SPPL2A: variants seen among roughly 807,000 people sequenced by gnomAD.
SPPL2A encodes the protein signal peptide peptidase-like 2A.
Under a neutral mutation model 63.8 loss-of-function variants are expected in SPPL2A, and 51 were observed. The ratio of observed to expected loss-of-function variants is 0.80; its 90% CI spans 0.64 to 1.01. The LOEUF is 1.01. Ranked by LOEUF, SPPL2A falls within the 50% of genes least tolerant of loss-of-function variation. The probability of loss-of-function intolerance (pLI) is 0.00; values close to 1 mark genes in which losing one functional copy is unlikely to be tolerated. For synonymous variants in SPPL2A, 188 were observed against 205.8 expected, an observed-to-expected ratio of 0.91 and a Z score of 0.74; for missense variants, 553 against 622.7, an observed-to-expected ratio of 0.89 and a Z score of 1.19.
Position 50,725,275 on chromosome 15 carries a change from T to A in SPPL2A, c.1195A>T (p.Ser399Cys), listed in dbSNP as rs1190086705. The A allele has an allele frequency of 6.2e-7, 1 of 1,609,532 alleles. No individual in the cohort carries two copies. Among genetic ancestry groups the A allele is most frequent in the Admixed American group, 1.7e-5 (1 of 59,576 alleles). Reference sequence around the variant, plus strand: ...ATTGAAACAGGCATGAGGCACACACTCATTACTGAGAAATAGATCAGTTTT... The same window carrying A: ...ATTGAAACAGGCATGAGGCACACACACATTACTGAGAAATAGATCAGTTTT... ...VPKLIYFSVM[S>C]VCLMPVSILG... Residue 399 changes from serine (S) to cysteine (C), a missense_variant, in exon 12 of 15, where the codon AGT becomes TGT. Coordinates refer to ENST00000261854, the MANE Select transcript of SPPL2A (RefSeq NM_032802.4).
chr15:50,760,556 G>C (rs1420087218), intron 1 of SPPL2A, among the ~76,000 whole-genome samples: 1 of 152,152 alleles, frequency 6.6e-6, no homozygotes, highest in Admixed American at 6.5e-5. Context: ...ACCACACCTG[G>C]CCTGATGTCT....
chr15:50,716,123 T>C (rs2062597154), intron 14 of SPPL2A, among the ~76,000 whole-genome samples: 1 of 152,194 alleles, frequency 6.6e-6, no homozygotes, highest in African/African-American at 2.4e-5. Flanking sequence ...AGTAGGATTA[T>C]GGGCGGACTT....
At chr15:50,730,029 G>A (rs1213678261) in intron 10 of SPPL2A, among the ~76,000 whole-genome samples, 1 of 147,784 alleles carries the variant, frequency 6.8e-6, no homozygotes, top group Non-Finnish European at 1.5e-5. Context: ...ATAAAGTAGA[G>A]AATATCAAAT....
chr15:50,734,332 T>C (rs187684048), intron 8 of SPPL2A, among the ~76,000 whole-genome samples: 15 of 152,144 alleles, frequency 9.9e-5, no homozygotes, highest in African/African-American at 3.4e-4. Context: ...TATTCAGCCA[T>C]AAAAAATAAT....
intron 14 of SPPL2A, among the ~76,000 whole-genome samples, chr15:50,710,198 C>T (rs548069842): frequency 6.6e-6 from 1 of 152,054 alleles, no homozygotes; most frequent in Non-Finnish European, 1.5e-5. Flanking sequence ...ATCTGCTTAC[C>T]CTGGCAACTG....
intron 2 of SPPL2A, 93 bp from the exon 3 acceptor site, chr15:50,748,963 G>T: frequency 8.7e-6 from 6 of 689,898 alleles, no homozygotes; most frequent in Non-Finnish European, 1.4e-5. Context: ...ATCAATATTG[G>T]TTTAAGACAA....
intron 1 of SPPL2A, among the ~76,000 whole-genome samples, chr15:50,759,934 T>C (rs79565005): frequency 2.6e-5 from 4 of 152,096 alleles, no homozygotes; most frequent in Admixed American, 1.3e-4. Flanking sequence ...GGGAAAGAGA[T>C]ATATAGCCAT....
intron 5 of SPPL2A, among the ~76,000 whole-genome samples, chr15:50,744,217 G>A (rs1485708139): frequency 2.7e-5 from 4 of 150,276 alleles, no homozygotes. Context: ...TAATGAAGGA[G>A]AAAAACATGC....
rs149857669 is a variant in SPPL2A at position 50,737,615 on chromosome 15, G to T, written c.734-875C>A. ...CTACGGGCACGCACCACCATGCCCA[G>T]CTAATTTTTGTATTTTTAGTAGAGA... On this transcript the variant is annotated intron_variant, in intron 6 of 14. Transcript: ENST00000261854. 2.1e-3 allele frequency among the ~76,000 whole-genome samples: 313 copies of T among 152,132 alleles called. 3 individuals are homozygous for T. Among genetic ancestry groups the T allele is most frequent in the African/African-American group, 7.1e-3 (296 of 41,516 alleles).
In SPPL2A at chr15:50,703,349, T is replaced by TAA. The variant is rs1555439709; in HGVS notation, c.*4450_*4451insTT. ...ACATATATATATATATATATATACA[T>TAA]ATATATATTTTTTTTTTTTTTTTTT... On this transcript the variant is annotated 3_prime_UTR_variant, in exon 15 of 15. Transcript: ENST00000261854. 1.1e-5 allele frequency: 1 copy of TAA among 88,002 alleles called. No individual in the cohort carries two copies. Among genetic ancestry groups the TAA allele is most frequent in the Non-Finnish European group, 2.1e-5 (1 of 46,676 alleles). The allele number at this position is 88,002 out of a possible 1,614,324, so 5.5% of individuals were successfully genotyped here. A position where few individuals can be genotyped will look rare whatever the true frequency, so the allele number is the denominator to read the frequency against.
In SPPL2A at chr15:50,707,834, G is replaced by A. The variant is rs777555781; in HGVS notation, c.1529C>T (p.Pro510Leu). The change falls in exon 15 of 15, where the codon CCT (proline) becomes CTT (leucine). Residue 510 changes from proline to leucine, a missense_variant. Physicochemically the swap from Pro to Leu is moderately conservative, Grantham distance 98 (BLOSUM62 -3). Coordinates refer to ENST00000261854, the MANE Select transcript of SPPL2A (RefSeq NM_032802.4). ...HLDCATNEEN[P>L]VISGEQIVQQ ...GACAATCTGTTCACCAGATATCACA[G>A]GGTTTTCTTCATTTGTTGCACAATC... 3.1e-6 allele frequency: 5 copies of A among 1,595,166 alleles called. No homozygotes were observed. In the South Asian group the frequency reaches 5.5e-5, roughly 18 times the overall value.
At chr15:50,740,019 T>C (rs1048957480) in intron 5 of SPPL2A, among the ~76,000 whole-genome samples, 191 bp from the exon 6 acceptor site, 2 of 152,190 alleles carry the variant, frequency 1.3e-5, no homozygotes, top group Non-Finnish European at 2.9e-5. Context: ...AACTGTACCC[T>C]ACAAAGAAAT....
chr15:50,751,376 A>T (rs2062904583), intron 1 of SPPL2A, among the ~76,000 whole-genome samples: 2 of 152,218 alleles, frequency 1.3e-5, no homozygotes, highest in Admixed American at 1.3e-4. Context: ...AACGTAACCT[A>T]CCTAAGGTCA....
Position 50,707,245 on chromosome 15 carries a change from A to G in SPPL2A, c.*555T>C. The G allele has an allele frequency of 6.6e-6, 1 of 152,242 alleles. No homozygotes were observed. The highest frequency in any genetic ancestry group is 2.1e-4 in the South Asian group (1 of 4,820). 9.4% of individuals were successfully genotyped at this position (152,242 alleles called of 1,614,324 possible). ...GCCATTCTCCTGTCTCAGCCTTCCC[A>G]GTAGCTGGGACTACAGGCACCCTCC... On this transcript the variant is annotated 3_prime_UTR_variant, in exon 15 of 15. Transcript: ENST00000261854.
chr15:50,734,514 G>A (rs1451007101), intron 8 of SPPL2A, among the ~76,000 whole-genome samples: 1 of 152,160 alleles, frequency 6.6e-6, no homozygotes, highest in East Asian at 1.9e-4. Flanking sequence ...ATGGTTACCA[G>A]AGGCTAAAAA....
rs2063055116 is a variant in SPPL2A, at chr15:50,765,680, T to C, written c.-147A>G. 2 of 429,838 alleles carry C rather than the reference T, an allele frequency of 4.7e-6. No homozygotes were observed. Among genetic ancestry groups the C allele is most frequent in the Non-Finnish European group, 3.9e-6 (1 of 253,484 alleles). The allele number at this position is 429,838 out of a possible 1,614,324, so 26.6% of individuals were successfully genotyped here. A position where few individuals can be genotyped will look rare whatever the true frequency, so the allele number is the denominator to read the frequency against. On this transcript the variant is annotated 5_prime_UTR_variant, in exon 1 of 15. Transcript: ENST00000261854. ...CGGGCTACGACTGGACCGCCGCTGCTACAGCGGCCGCCACAGCAGCGCGAC... is the reference window on the plus strand; with the variant it reads ...CGGGCTACGACTGGACCGCCGCTGCCACAGCGGCCGCCACAGCAGCGCGAC...
chr15:50,722,150 TA>T lies in SPPL2A; in HGVS notation c.1300del (p.Tyr434ThrfsTer15). On this transcript the variant is annotated frameshift_variant, in exon 13 of 15. Transcript: ENST00000261854. LOFTEE classifies it high-confidence loss of function. ...AACTGTAGACGAAACATAGTATATG[TA>T]AGAAGAACCAGTCTGAACATCAAAT... ...RRFDVQTGSS[Y>X]IYYVSSTVAY... is the part of the protein sequence containing the mutation. The T allele has an allele frequency of 6.3e-7, 1 of 1,595,902 alleles. No individual in the cohort carries two copies. The highest frequency in any genetic ancestry group is 8.6e-7 in the Non-Finnish European group (1 of 1,166,586).
chr15:50,742,822 C>T (rs932699217), intron 5 of SPPL2A: 3 of 152,156 alleles, frequency 2.0e-5, no homozygotes, highest in South Asian at 2.1e-4. Context: ...TCTGCTCCAT[C>T]ATCATGTTTT....
At chr15:50,748,319 G>T in intron 3 of SPPL2A, 117 bp from the exon 4 acceptor site, 1 of 469,562 alleles carries the variant, frequency 2.1e-6, no homozygotes, top group Non-Finnish European at 3.6e-6. Context: ...AAAATTTCAG[G>T]TATTCTTTCT....
Sources: allele counts gnomAD v4.1 joint callset (sites outside exome capture counted in the v4.1 genomes callset), GRCh38; gene constraint gnomAD v4.1.1; transcripts MANE v1.5; gene names NCBI Gene and HGNC (gene_info 2026-07-23, HGNC 2026-07-21).